Variants in SLC24A2 observed in about 807,000 individuals in gnomAD.
The protein encoded by SLC24A2 is solute carrier family 24 member 2.
A neutral mutation model predicts 62.0 loss-of-function variants in SLC24A2; 36 were observed. The ratio of observed to expected loss-of-function variants is 0.58; its 90% CI spans 0.44 to 0.77. SLC24A2 has a LOEUF of 0.77. SLC24A2 is among the 30% of genes least tolerant of loss of function. SLC24A2 has a pLI of 0.00. For missense variants in SLC24A2, 846 were observed against 817.9 expected, an observed-to-expected ratio of 1.03 and a Z score of -0.42; for synonymous variants, 358 against 294.0, an observed-to-expected ratio of 1.22 and a Z score of -2.23.
chr9:20,160,078 A>C, the SLC24A2 span, among the ~76,000 whole-genome samples: 6 of 151,582 alleles, frequency 4.0e-5, no homozygotes, highest in South Asian at 1.0e-3. Flanking sequence ...CATAAAGGGC[A>C]AAAATAAAGA....
At chr9:19,542,200 C>G (rs957664416) in intron 8 of SLC24A2, among the ~76,000 whole-genome samples, 14 of 152,176 alleles carry the variant, frequency 9.2e-5, no homozygotes, top group African/African-American at 3.1e-4. Flanking sequence ...TAGACCGGAG[C>G]TGTTCCTATT....
intron 2 of SLC24A2, among the ~76,000 whole-genome samples, chr9:19,763,283 C>G (rs1243491570): frequency 1.3e-5 from 2 of 152,168 alleles, no homozygotes; most frequent in East Asian, 3.8e-4. Flanking sequence ...TTGACTTTCT[C>G]TTTTCCTATT....
chr9:19,653,746 A>T (rs531680181), intron 2 of SLC24A2, among the ~76,000 whole-genome samples: 1 of 152,186 alleles, frequency 6.6e-6, no homozygotes, highest in Non-Finnish European at 1.5e-5. Flanking sequence ...TAGTAGTTGT[A>T]CATGGTATGT....
chr9:19,648,628 A>G (rs1818709874), intron 2 of SLC24A2, among the ~76,000 whole-genome samples: 1 of 152,220 alleles, frequency 6.6e-6, no homozygotes, highest in Admixed American at 6.5e-5. Flanking sequence ...AATGGGAATT[A>G]GTTGGAATAG....
chr9:20,167,633 A>G, the SLC24A2 span, among the ~76,000 whole-genome samples: 2 of 152,150 alleles, frequency 1.3e-5, no homozygotes, highest in African/African-American at 4.8e-5. Context: ...TTCCACTGCT[A>G]AAGCAGGCAA....
rs560161392 is a variant in SLC24A2, at chr9:19,765,853, G to A, written c.930+20084C>T. ...TTTGAATGTTGGCCTGCCTTGCTAG[G>A]TTGGGGAAGTTCTCCTGGATAATAT... On this transcript the variant is annotated intron_variant, in intron 2 of 10. Transcript: ENST00000341998. Among the ~76,000 whole-genome samples the A allele has an allele frequency of 1.4e-4, 22 of 152,268 alleles. 1 individual carries two copies. The South Asian group carries it at 3.3e-3, about 23-fold the overall frequency.
the SLC24A2 span, among the ~76,000 whole-genome samples, chr9:20,132,467 T>A: frequency 2.6e-5 from 4 of 152,124 alleles, no homozygotes; most frequent in African/African-American, 4.8e-5. Context: ...TTTTTGGGGT[T>A]TTTTGGGGCC....
At chr9:20,210,659 T>G in the SLC24A2 span, among the ~76,000 whole-genome samples, 10 of 123,292 alleles carry the variant, frequency 8.1e-5, no homozygotes, top group African/African-American at 2.1e-4. Context: ...TTTTTTTTTT[T>G]TTTTTTTTTT....
the SLC24A2 span, among the ~76,000 whole-genome samples, chr9:20,208,694 G>T: frequency 6.6e-6 from 1 of 152,198 alleles, no homozygotes; most frequent in Admixed American, 6.5e-5. Context: ...CCCAGCTATG[G>T]TTGTTTCCAG....
At chr9:20,282,341 AGAGT>A in the SLC24A2 span, among the ~76,000 whole-genome samples, 7 of 152,316 alleles carry the variant, frequency 4.6e-5, no homozygotes, top group South Asian at 2.1e-4. Context: ...CTCTGGCCAG[AGAGT>A]GAGTACTTTT....
intron 2 of SLC24A2, among the ~76,000 whole-genome samples, chr9:19,732,912 G>C (rs1359821): frequency 0.048 from 7,248 of 152,240 alleles, 330 homozygotes; most frequent in East Asian, 0.11. Context: ...CATTCTGCGA[G>C]TAAAACCTAG....
the SLC24A2 span, among the ~76,000 whole-genome samples, chr9:19,838,763 TAATTTAAAAA>T: frequency 6.8e-6 from 1 of 146,998 alleles, no homozygotes; most frequent in East Asian, 2.0e-4. Context: ...ATTGTTTTCC[TAATTTAAAAA>T]AAAAAAAAAA....
chr9:20,082,685 A>G, the SLC24A2 span, among the ~76,000 whole-genome samples: 1 of 152,234 alleles, frequency 6.6e-6, no homozygotes, highest in Non-Finnish European at 1.5e-5. Context: ...TCTGGAAAGG[A>G]AAGTGGAAGA....
intron 5 of SLC24A2, among the ~76,000 whole-genome samples, chr9:19,577,959 C>G (rs899886929): frequency 2.0e-5 from 3 of 151,646 alleles, no homozygotes; most frequent in African/African-American, 7.2e-5. Context: ...AGATTGGAGA[C>G]TCTTATTCTA....
At chr9:19,890,674 T>A in the SLC24A2 span, among the ~76,000 whole-genome samples, 10 of 152,142 alleles carry the variant, frequency 6.6e-5, no homozygotes, top group Admixed American at 3.9e-4. Flanking sequence ...ATAGCTTTTT[T>A]AAAAATTAAT....
chr9:19,587,832 C>T (rs1251736666), intron 5 of SLC24A2, among the ~76,000 whole-genome samples: 1 of 152,192 alleles, frequency 6.6e-6, no homozygotes, highest in Non-Finnish European at 1.5e-5. Context: ...TCTACATATG[C>T]AATGTGACAA....
At chr9:19,753,508 T>C (rs1239164568) in intron 2 of SLC24A2, among the ~76,000 whole-genome samples, 2 of 152,208 alleles carry the variant, frequency 1.3e-5, no homozygotes, top group Non-Finnish European at 1.5e-5. Context: ...ACAAAACTAA[T>C]CTTTATTTTT....
At chr9:20,032,262 T>G in the SLC24A2 span, among the ~76,000 whole-genome samples, 3 of 152,236 alleles carry the variant, frequency 2.0e-5, no homozygotes, top group African/African-American at 7.2e-5. Context: ...TCTGTTACAA[T>G]GATTGCACGT....
chr9:20,291,962 C>T, the SLC24A2 span, among the ~76,000 whole-genome samples: 9 of 152,024 alleles, frequency 5.9e-5, no homozygotes, highest in Non-Finnish European at 1.2e-4. Flanking sequence ...AAAAGCAGGG[C>T]CATTTCAAAA....
Sources: gnomAD v4.1 joint callset for allele counts (sites outside exome capture counted in the v4.1 genomes callset) on GRCh38, gnomAD v4.1.1 for gene constraint, MANE v1.5 for transcripts, NCBI Gene and HGNC (gene_info 2026-07-23, HGNC 2026-07-21) for gene names.